Variants in EFCAB5 observed in about 807,000 individuals in gnomAD.
The protein encoded by EFCAB5 is EF-hand calcium-binding domain-containing protein 5.
EFCAB5 carries 131 observed loss-of-function variants against 167.9 expected under a neutral mutation model. The ratio of observed to expected loss-of-function variants is 0.78; its 90% confidence interval spans 0.68 to 0.90. The LOEUF (loss-of-function observed/expected upper bound fraction) is 0.90, where lower values mean the gene tolerates loss of function less well. Ranked by LOEUF, EFCAB5 falls within the 40% of genes least tolerant of loss-of-function variation. The pLI, the probability that EFCAB5 is intolerant of heterozygous loss-of-function variation, is 0.00. For synonymous variants in EFCAB5, 574 were observed against 602.8 expected (o/e 0.95, Z 0.70); for missense variants, 1,663 against 1,745.2 (o/e 0.95, Z 0.84).
At chr17:29,987,216 G>C (rs971698981) in intron 4 of EFCAB5, among the ~76,000 whole-genome samples, 1 of 152,082 alleles carries the variant, frequency 6.6e-6, no homozygotes, top group Non-Finnish European at 1.5e-5. Context: ...TCTGTCCCCA[G>C]GTAGGTGGCT....
At chr17:30,078,576 A>G (rs1309936000) in intron 15 of EFCAB5, 72 bp downstream of exon 15, 6 of 1,442,724 alleles carry the variant, frequency 4.2e-6, no homozygotes, top group Admixed American at 2.8e-5. Context: ...TTTGCAAAAG[A>G]GGAGCATCTT....
intron 8 of EFCAB5, among the ~76,000 whole-genome samples, chr17:30,047,645 T>C (rs1331880440): frequency 6.6e-6 from 1 of 152,200 alleles, no homozygotes; most frequent in Admixed American, 6.5e-5. Flanking sequence ...TACTTGGAAT[T>C]ACCATAATGA....
intron 4 of EFCAB5, among the ~76,000 whole-genome samples, chr17:29,970,464 G>GA (rs2067924560): frequency 6.6e-6 from 1 of 150,956 alleles, no homozygotes; most frequent in African/African-American, 2.4e-5. Flanking sequence ...TTGTCTACTT[G>GA]AAAAAAAATG....
intron 8 of EFCAB5, among the ~76,000 whole-genome samples, chr17:30,047,025 G>A (rs908880514): frequency 6.6e-5 from 10 of 152,182 alleles, no homozygotes; most frequent in Admixed American, 1.3e-4. Flanking sequence ...GACTAAGAAG[G>A]ATAGATATAA....
chr17:29,941,036 TAA>T (rs1174084817), upstream of EFCAB5, among the ~76,000 whole-genome samples: 3 of 139,844 alleles, frequency 2.1e-5, no homozygotes, highest in African/African-American at 2.6e-5. Flanking sequence ...TGAGACTCTG[TAA>T]AAAAAAAAAA....
chr17:29,971,441 A>G (rs1179249783), intron 4 of EFCAB5, among the ~76,000 whole-genome samples: 1 of 152,202 alleles, frequency 6.6e-6, no homozygotes, highest in Non-Finnish European at 1.5e-5. Context: ...TTACAACTTT[A>G]GTAGAAATGC....
intron 22 of EFCAB5, among the ~76,000 whole-genome samples, chr17:30,093,988 G>A (rs2071248069): frequency 6.6e-6 from 1 of 152,144 alleles, no homozygotes; most frequent in Non-Finnish European, 1.5e-5. Flanking sequence ...AAGTTTACCT[G>A]GCCTAGCAGC....
intron 22 of EFCAB5, among the ~76,000 whole-genome samples, chr17:30,098,810 T>C (rs2071341186): frequency 6.6e-6 from 1 of 152,212 alleles, no homozygotes; most frequent in South Asian, 2.1e-4. Flanking sequence ...AGCAGTCACT[T>C]CTTTCCTCTC....
At chr17:29,953,619 C>T (rs2151541951) in intron 3 of EFCAB5, among the ~76,000 whole-genome samples, 1 of 152,298 alleles carries the variant, frequency 6.6e-6, no homozygotes, top group Admixed American at 6.5e-5. Context: ...GTCCATTAAA[C>T]TTTTTTCTTT....
At chr17:30,038,669 A>G (rs1034042811) in intron 8 of EFCAB5, among the ~76,000 whole-genome samples, 6 of 152,234 alleles carry the variant, frequency 3.9e-5, no homozygotes, top group African/African-American at 9.6e-5. Flanking sequence ...AAGCAAATTG[A>G]AAATCTTTTA....
intron 8 of EFCAB5, among the ~76,000 whole-genome samples, chr17:30,045,364 A>C (rs2069892734): frequency 6.6e-6 from 1 of 151,008 alleles, no homozygotes; most frequent in African/African-American, 2.4e-5. Context: ...AAGCTGAGGC[A>C]GGAAAATCGA....
At chr17:29,959,955 C>T (rs2067687898) in intron 3 of EFCAB5, among the ~76,000 whole-genome samples, 1 of 152,170 alleles carries the variant, frequency 6.6e-6, no homozygotes, top group Admixed American at 6.5e-5. Flanking sequence ...TTATTTAGAA[C>T]CCCAGAGCAC....
intron 4 of EFCAB5, among the ~76,000 whole-genome samples, chr17:29,982,547 G>T (rs1288375043): frequency 1.3e-5 from 2 of 152,152 alleles, no homozygotes; most frequent in South Asian, 4.1e-4. Context: ...TGTGGAAGGG[G>T]GAAATTCAGG....
chr17:30,098,409 T>C (rs528347309), intron 22 of EFCAB5, among the ~76,000 whole-genome samples: 1 of 151,368 alleles, frequency 6.6e-6, no homozygotes, highest in East Asian at 1.9e-4. Context: ...CATGTGCCTG[T>C]AGTTCCAGCT....
chr17:30,052,722 C>T (rs1332542131), intron 9 of EFCAB5, among the ~76,000 whole-genome samples: 1 of 151,910 alleles, frequency 6.6e-6, no homozygotes, highest in Non-Finnish European at 1.5e-5. Flanking sequence ...GTATTCTGTT[C>T]TAGGTATCCA....
intron 14 of EFCAB5, among the ~76,000 whole-genome samples, chr17:30,064,501 A>G (rs1473321219): frequency 2.0e-5 from 3 of 152,216 alleles, no homozygotes; most frequent in Admixed American, 6.5e-5. Context: ...AATGAAAAAG[A>G]GTGAAGAAAG....
chr17:30,069,317 G>A (rs1031392150), intron 14 of EFCAB5: 1 of 1,528,816 alleles, frequency 6.5e-7, no homozygotes, highest in Non-Finnish European at 9.1e-7. Context: ...ATCCCCAGAA[G>A]AAATACAAAT....
rs773721116 is a variant in EFCAB5 at position 29,942,249 on chromosome 17, AAAG to A, written c.57_59del (p.Glu19del). ...ACTGTTTGCATTTCAGGAAAACAGA[AAAG>A]AAGACAAAGAGAGGAAATGGAACTT... On this transcript the variant is annotated inframe_deletion, in exon 2 of 23. Transcript: ENST00000394835. 7 of 1,587,272 alleles carry A rather than the reference AAAG, an allele frequency of 4.4e-6. No homozygotes were observed. The East Asian group carries it at 1.1e-4, about 26-fold the overall frequency.
intron 7 of EFCAB5, among the ~76,000 whole-genome samples, chr17:30,013,799 T>G (rs1177904461): frequency 6.6e-6 from 1 of 152,234 alleles, no homozygotes; most frequent in Non-Finnish European, 1.5e-5. Flanking sequence ...TGTCTCTAGC[T>G]CCTTCAATTC....
Sources: gnomAD v4.1 joint callset for allele counts (sites outside exome capture counted in the v4.1 genomes callset) on GRCh38, gnomAD v4.1.1 for gene constraint, MANE v1.5 for transcripts, NCBI Gene and HGNC (gene_info 2026-07-23, HGNC 2026-07-21) for gene names.